The following CD80 variants were observed in gnomAD, a reference collection of about 807,000 sequenced individuals.
CD80 encodes the protein T-lymphocyte activation antigen CD80.
CD80 carries 13 observed loss-of-function variants against 27.1 expected under a neutral mutation model. The ratio of observed to expected loss-of-function variants is 0.48; its 90% CI spans 0.31 to 0.76. The LOEUF (loss-of-function observed/expected upper bound fraction) is 0.76. Ranked by LOEUF, CD80 falls within the 30% of genes least tolerant of loss-of-function variation. CD80 has a pLI of 0.04. For missense variants in CD80, 277 were observed against 347.9 expected (o/e 0.80, Z 1.62); for synonymous variants, 125 against 125.5 (o/e 1.00, Z 0.03).
chr3:119,555,333 A>G (rs115130655), intron 2 of CD80, among the ~76,000 whole-genome samples: 5,715 of 152,228 alleles, frequency 0.038, 355 homozygotes, highest in African/African-American at 0.13. Flanking sequence ...GGGCAAATTT[A>G]TAATGACTTA....
At chr3:119,539,265 G>A (rs2082155065) in intron 3 of CD80, among the ~76,000 whole-genome samples, 1 of 151,862 alleles carries the variant, frequency 6.6e-6, no homozygotes, top group South Asian at 2.1e-4. Flanking sequence ...AATTGGTTTG[G>A]GAGTCTTCCA....
At chr3:119,553,573 G>A (rs1191550147) in intron 2 of CD80, among the ~76,000 whole-genome samples, 1 of 152,194 alleles carries the variant, frequency 6.6e-6, no homozygotes, top group African/African-American at 2.4e-5. Context: ...AGGATGCAGT[G>A]GCCAGTCTGC....
intron 3 of CD80, among the ~76,000 whole-genome samples, chr3:119,540,628 A>G (rs978032817): frequency 2.0e-5 from 3 of 152,230 alleles, no homozygotes; most frequent in Admixed American, 1.3e-4. Flanking sequence ...GTTTTGTGTT[A>G]TAACTAGGAA....
At chr3:119,539,316 G>A (rs555206526) in intron 3 of CD80, among the ~76,000 whole-genome samples, 5 of 151,788 alleles carry the variant, frequency 3.3e-5, no homozygotes, top group South Asian at 2.1e-4. Flanking sequence ...ATATTTGTCC[G>A]AATTAATTAC....
At chr3:119,544,057 T>G (rs545600441) in intron 3 of CD80, among the ~76,000 whole-genome samples, 84 of 152,034 alleles carry the variant, frequency 5.5e-4, no homozygotes, top group African/African-American at 1.5e-3. Context: ...CTGGCTAGTT[T>G]TTGTATTTTT....
intron 4 of CD80, among the ~76,000 whole-genome samples, chr3:119,534,349 G>T (rs553711252): frequency 5.9e-4 from 87 of 146,630 alleles, no homozygotes; most frequent in African/African-American, 2.0e-3. Context: ...TCCAGCCTGG[G>T]CAACAAGAGT....
At chr3:119,549,815 T>C (rs1443680044) in intron 2 of CD80, among the ~76,000 whole-genome samples, 1 of 152,186 alleles carries the variant, frequency 6.6e-6, no homozygotes, top group Non-Finnish European at 1.5e-5. Flanking sequence ...TAAAAAGACA[T>C]ACTTGAAGGG....
At chr3:119,548,602 T>G (rs1217815305) in intron 2 of CD80, among the ~76,000 whole-genome samples, 1 of 152,198 alleles carries the variant, frequency 6.6e-6, no homozygotes, top group Admixed American at 6.5e-5. Flanking sequence ...TTACACATTT[T>G]TTTCTTTCTG....
intron 3 of CD80, among the ~76,000 whole-genome samples, chr3:119,540,316 G>A (rs28653390): frequency 0.12 from 18,696 of 152,202 alleles, 1,370 homozygotes; most frequent in Admixed American, 0.18. Context: ...ATTTAAATCA[G>A]GTTGCCAGGC....
At chr3:119,533,628 A>T (rs1478330809) in intron 4 of CD80, among the ~76,000 whole-genome samples, 1 of 152,134 alleles carries the variant, frequency 6.6e-6, no homozygotes, top group African/African-American at 2.4e-5. Flanking sequence ...GTTTCCTTAT[A>T]ACAAGCTCTC....
intron 4 of CD80, among the ~76,000 whole-genome samples, chr3:119,534,908 G>C (rs2082128401): frequency 6.6e-6 from 1 of 152,106 alleles, no homozygotes; most frequent in Non-Finnish European, 1.5e-5. Context: ...AGAATCTGCT[G>C]TAGCCGGGCA....
intron 3 of CD80, among the ~76,000 whole-genome samples, chr3:119,540,255 A>G (rs1302415913): frequency 6.6e-6 from 1 of 152,192 alleles, no homozygotes; most frequent in Non-Finnish European, 1.5e-5. Flanking sequence ...AGCCAATGAT[A>G]GCTATATTTA....
In CD80 at chr3:119,549,136, C is replaced by T. The variant is rs922003792; in HGVS notation, c.101-4269G>A. On this transcript the variant is annotated intron_variant, in intron 2 of 6. Transcript: ENST00000264246. Reference sequence around the variant, plus strand: ...GGCTGAAATGACTCCCATGCTTATACCTTTGGACTATTTCTACCATCTTCA... The same window carrying T: ...GGCTGAAATGACTCCCATGCTTATATCTTTGGACTATTTCTACCATCTTCA... 1.6e-4 allele frequency among the ~76,000 whole-genome samples: 24 copies of T among 152,280 alleles called. No homozygotes were observed. The East Asian group carries it at 4.6e-3, about 29-fold the overall frequency.
At chr3:119,528,075 T>C (rs1451412736) in intron 5 of CD80, among the ~76,000 whole-genome samples, 1 of 152,060 alleles carries the variant, frequency 6.6e-6, no homozygotes, top group African/African-American at 2.4e-5. Flanking sequence ...TGGCATGTAG[T>C]GAGTAGAGGC....
At position 119,525,579 on chromosome 3, in the gene CD80, G is replaced by C. The variant is rs1333789108; in HGVS notation, c.*209C>G. 1 of 152,446 alleles carries C rather than the reference G, an allele frequency of 6.6e-6. No homozygotes were observed. The highest frequency in any genetic ancestry group is 1.5e-5 in the Non-Finnish European group (1 of 68,034). 9.4% of individuals were successfully genotyped at this position (152,446 alleles called of 1,614,324 possible). The stretch of plus-strand genomic sequence containing the variant: ...AGAATTCTGCATTTCAAAACACCTT[G>C]ATCAAGGTCACCAGAGCTACTTCTG... On this transcript the variant is annotated 3_prime_UTR_variant, in exon 7 of 7. Transcript: ENST00000264246.
At chr3:119,550,638 C>T (rs191221386) in intron 2 of CD80, among the ~76,000 whole-genome samples, 14 of 152,254 alleles carry the variant, frequency 9.2e-5, no homozygotes, top group Non-Finnish European at 1.2e-4. Context: ...CAGTGACTGG[C>T]GGGGAAAGTC....
intron 3 of CD80, among the ~76,000 whole-genome samples, chr3:119,544,173 C>T (rs536113993): frequency 1.1e-4 from 16 of 152,288 alleles, no homozygotes; most frequent in African/African-American, 3.9e-4. Flanking sequence ...CAGGCATAAG[C>T]CACCATACCC....
At position 119,529,927 on chromosome 3, in the gene CD80, C is replaced by T. The variant is rs775360319; in HGVS notation, c.711G>A (p.Glu237=). 24 of 1,612,308 alleles carry T rather than the reference C, an allele frequency of 1.5e-5. No homozygotes were observed. Among genetic ancestry groups the T allele is most frequent in the Non-Finnish European group, 2.0e-5 (24 of 1,178,448 alleles). ...QTFNWNTTKQ[E]HFPDNLLPSW... ...ATGGGAGCAGGTTATCAGGAAAATG[C>T]TCTTGCTTGGCTATGGAGGGAAAAG... is the stretch of plus-strand genomic sequence containing the variant. Residue 237 remains glutamate (E), a synonymous_variant, in exon 5 of 7, where the codon GAG becomes GAA. Coordinates refer to ENST00000264246, the MANE Select transcript of CD80 (RefSeq NM_005191.4).
chr3:119,534,502 CTG>C (rs1473160493), intron 4 of CD80, among the ~76,000 whole-genome samples: 4 of 152,074 alleles, frequency 2.6e-5, no homozygotes, highest in African/African-American at 9.7e-5. Flanking sequence ...GCAACAGAGA[CTG>C]TGACTGCAAA....
Sources: allele counts gnomAD v4.1 joint callset (sites outside exome capture counted in the v4.1 genomes callset), GRCh38; gene constraint gnomAD v4.1.1; transcripts MANE v1.5; gene names NCBI Gene and HGNC (gene_info 2026-07-23, HGNC 2026-07-21).